Variants in NDC80 observed in about 807,000 individuals in gnomAD.
NDC80 encodes the protein kinetochore protein NDC80 homolog.
NDC80 carries 69 observed loss-of-function variants against 89.3 expected under a neutral mutation model. The observed-to-expected ratio is 0.77, with a 90% CI of 0.64 to 0.94. The LOEUF is 0.94. Among genes scored for constraint, NDC80 ranks in the 40% least tolerant of loss-of-function variants. The pLI is 0.00. For synonymous variants in NDC80, 243 were observed against 255.6 expected, an observed-to-expected ratio of 0.95 and a Z score of 0.47; for missense variants, 593 against 739.6, an observed-to-expected ratio of 0.80 and a Z score of 2.30.
intron 15 of NDC80, 65 bp from the exon 16 acceptor site, chr18:2,610,694 G>T (rs1388753606): frequency 5.9e-6 from 6 of 1,014,644 alleles, no homozygotes; most frequent in Non-Finnish European, 7.1e-6. Flanking sequence ...TGGGAAGTGA[G>T]CTAACTAGAA....
At chr18:2,577,503 T>G in intron 3 of NDC80, 1 of 365,314 alleles carries the variant, frequency 2.7e-6, no homozygotes, top group African/African-American at 2.1e-5. Context: ...CATGAGCCAC[T>G]GTGCCTGGCC....
intron 14 of NDC80, among the ~76,000 whole-genome samples, chr18:2,607,753 T>G (rs188891473): frequency 2.5e-3 from 374 of 151,504 alleles, no homozygotes; most frequent in African/African-American, 8.7e-3. Context: ...GAAATGTACC[T>G]TATAATCCAC....
chr18:2,573,398 G>A (rs1567993032), intron 2 of NDC80, among the ~76,000 whole-genome samples: 1 of 152,120 alleles, frequency 6.6e-6, no homozygotes, highest in Admixed American at 6.5e-5. Flanking sequence ...GTTTAAGCAG[G>A]CTCTGTGCTG....
intron 15 of NDC80, among the ~76,000 whole-genome samples, chr18:2,609,826 G>A (rs1598246726): frequency 1.3e-5 from 2 of 152,202 alleles, no homozygotes; most frequent in Non-Finnish European, 2.9e-5. Flanking sequence ...GCTTAGATGT[G>A]TGTATTCTTT....
At chr18:2,573,166 G>A in intron 2 of NDC80, 80 bp downstream of exon 2, 1 of 1,113,498 alleles carries the variant, frequency 9.0e-7, no homozygotes, top group Non-Finnish European at 1.3e-6. Flanking sequence ...TTAATATAAA[G>A]ATGTAATATG....
intron 13 of NDC80, among the ~76,000 whole-genome samples, chr18:2,602,926 G>GATTTCA (rs1482689178): frequency 6.6e-5 from 10 of 152,192 alleles, no homozygotes. Context: ...TGTTAAGGAG[G>GATTTCA]TAGAACCCAA....
intron 9 of NDC80, 92 bp downstream of exon 9, chr18:2,589,402 A>T: frequency 1.2e-6 from 1 of 852,802 alleles, no homozygotes; most frequent in Non-Finnish European, 1.9e-6. Context: ...ATTTTAAAAA[A>T]TAGATTAACA....
At chr18:2,601,093 A>C (rs191006941) in intron 12 of NDC80, among the ~76,000 whole-genome samples, 2 of 152,324 alleles carry the variant, frequency 1.3e-5, no homozygotes, top group East Asian at 3.9e-4. Context: ...TTTTCAAAAA[A>C]AATACTGCAG....
intron 6 of NDC80, among the ~76,000 whole-genome samples, chr18:2,583,991 A>G (rs993200311): frequency 6.6e-6 from 1 of 152,074 alleles, no homozygotes. Flanking sequence ...TTAGATACCT[A>G]TTGATATCTT....
intron 12 of NDC80, among the ~76,000 whole-genome samples, chr18:2,599,535 A>T (rs977703887): frequency 1.3e-5 from 2 of 152,186 alleles, no homozygotes; most frequent in Non-Finnish European, 2.9e-5. Flanking sequence ...GGAGATGGTA[A>T]CCGTGGAATG....
intron 7 of NDC80, among the ~76,000 whole-genome samples, chr18:2,587,273 G>A (rs1314837874): frequency 6.6e-6 from 1 of 152,140 alleles, no homozygotes; most frequent in African/African-American, 2.4e-5. Context: ...AAAATATAGT[G>A]TTATTTTCTC....
At chr18:2,581,250 T>C (rs2072576682) in intron 6 of NDC80, among the ~76,000 whole-genome samples, 1 of 152,260 alleles carries the variant, frequency 6.6e-6, no homozygotes, top group Non-Finnish European at 1.5e-5. Flanking sequence ...TAGTATTTTG[T>C]ATGGCTTCTT....
chr18:2,611,721 T>C (rs560701650), intron 16 of NDC80, among the ~76,000 whole-genome samples: 2 of 152,168 alleles, frequency 1.3e-5, no homozygotes, highest in South Asian at 4.1e-4. Context: ...AAATTCTTGG[T>C]TAATTTATTA....
chr18:2,612,552 G>C (rs574996149), intron 16 of NDC80, among the ~76,000 whole-genome samples: 1 of 152,068 alleles, frequency 6.6e-6, no homozygotes, highest in South Asian at 2.1e-4. Flanking sequence ...GCCTCCCAAA[G>C]TTCTGGGATT....
At position 2,574,914 on chromosome 18, in the gene NDC80, C is replaced by T. The variant is rs57700172; in HGVS notation, c.102-75C>T. The T allele has an allele frequency of 4.4e-6, 4 of 918,094 alleles. No individual in the cohort carries two copies. In the African/African-American group the frequency reaches 5.1e-5, roughly 12 times the overall value. The allele number at this position is 918,094 out of a possible 1,614,324, so 56.9% of individuals were successfully genotyped here. A position where few individuals can be genotyped will look rare whatever the true frequency, so the allele number is the denominator to read the frequency against. Reference sequence around the variant, plus strand: ...AGCTAGTGGGGAAGAGTTGTTGGTTCTAATATATTTCTAAAAGTTTCTTGA... The same window carrying T: ...AGCTAGTGGGGAAGAGTTGTTGGTTTTAATATATTTCTAAAAGTTTCTTGA... On this transcript the variant is annotated intron_variant, in intron 2 of 16. Transcript: ENST00000261597.
chr18:2,599,311 T>A (rs2072672576), intron 12 of NDC80, 140 bp downstream of exon 12: 1 of 687,102 alleles, frequency 1.5e-6, no homozygotes, highest in Non-Finnish European at 2.2e-6. Context: ...TTCTCGGTCA[T>A]AGAAATCTTC....
At chr18:2,587,750 T>A in intron 7 of NDC80, 80 bp from the exon 8 acceptor site, 1 of 1,110,562 alleles carries the variant, frequency 9.0e-7, no homozygotes, top group Admixed American at 1.9e-5. Flanking sequence ...TAAATTCAAA[T>A]ATAAATTTCC....
chr18:2,594,321 C>T (rs1350761930), intron 10 of NDC80: 1 of 152,936 alleles, frequency 6.5e-6, no homozygotes, highest in African/African-American at 2.4e-5. Flanking sequence ...AGGCAATCTA[C>T]CACAGCTCCA....
chr18:2,612,031 C>G (rs1305791403), intron 16 of NDC80, among the ~76,000 whole-genome samples: 1 of 151,884 alleles, frequency 6.6e-6, no homozygotes, highest in Non-Finnish European at 1.5e-5. Flanking sequence ...TTCATCTGAA[C>G]CATAGGACAA....
Sources: allele counts gnomAD v4.1 joint callset (sites outside exome capture counted in the v4.1 genomes callset), GRCh38; gene constraint gnomAD v4.1.1; transcripts MANE v1.5; gene names NCBI Gene and HGNC (gene_info 2026-07-23, HGNC 2026-07-21).